The following INTS11 variants were observed in gnomAD, a reference collection of about 807,000 sequenced individuals.
The protein encoded by INTS11 is CPSF3-like protein.
In INTS11, 77 loss-of-function variants were observed where a neutral mutation model predicts 78.6. The observed-to-expected ratio is 0.98, with a 90% CI of 0.81 to 1.18. The LOEUF is 1.18. Among genes scored for constraint, INTS11 ranks in the 50% most tolerant of loss-of-function variants. The pLI is 0.00. For missense variants in INTS11, 875 were observed against 825.9 expected (o/e 1.06, Z -0.73); for synonymous variants, 441 against 326.9 (o/e 1.35, Z -3.77).
At position 1,312,237 on chromosome 1, in the gene INTS11, G is replaced by C. The variant is rs897239384; in HGVS notation, c.1596C>G (p.Ser532Arg). 3 of 1,537,844 alleles carry C rather than the reference G, an allele frequency of 2.0e-6. No homozygotes were observed. The highest frequency in any genetic ancestry group is 2.6e-6 in the Non-Finnish European group (3 of 1,138,426). ...GGCCGGGCGCCCACCTCTTGAGGTG[G>C]CTGTAGACGCGCAATGCCGTCTCCT... is the stretch of plus-strand genomic sequence containing the variant. ...KEQETALRVYSHLKSVLKDHC... is the reference protein window; with the variant it reads ...KEQETALRVYRHLKSVLKDHC... Residue 532 changes from serine to arginine, a missense_variant, in exon 15 of 17, where the codon AGC (serine) becomes AGG (arginine). Ser to Arg is a moderately radical substitution (Grantham distance 110). Coordinates refer to ENST00000435064, the MANE Select transcript of INTS11 (RefSeq NM_017871.6).
At chr1:1,315,299 G>A (rs545093993) in intron 6 of INTS11, 105 bp downstream of exon 6, 2 of 1,383,942 alleles carry the variant, frequency 1.4e-6, no homozygotes, top group Admixed American at 3.5e-5. Flanking sequence ...CAGGACATGG[G>A]AGACACTGCC....
chr1:1,317,406 GA>G (rs558231595), intron 4 of INTS11: 15,376 of 640,534 alleles, frequency 0.024, 1 homozygote, highest in Non-Finnish European at 0.027. Context: ...AAAAAAAAAA[GA>G]AAAAAAAAAA....
intron 1 of INTS11, among the ~76,000 whole-genome samples, chr1:1,322,398 G>C (rs1642998764): frequency 6.7e-6 from 1 of 150,160 alleles, no homozygotes; most frequent in Admixed American, 6.7e-5. Context: ...CAAGGAGACA[G>C]ACGGCAGACA....
At position 1,312,253 on chromosome 1, in the gene INTS11, GCCGTCTC is replaced by G; in HGVS notation, c.1573_1579del (p.Glu525HisfsTer12). 6.5e-7 allele frequency: 1 copy of G among 1,545,292 alleles called. No homozygotes were observed. Among genetic ancestry groups the G allele is most frequent in the Non-Finnish European group, 8.7e-7 (1 of 1,144,204 alleles). On this transcript the variant is annotated frameshift_variant, in exon 15 of 17. Transcript: ENST00000435064. LOFTEE classifies it high-confidence loss of function. The stretch of plus-strand genomic sequence containing the variant: ...CTTGAGGTGGCTGTAGACGCGCAAT[GCCGTCTC>G]CTGCTCCTTGCGTGTGTCATGCAGG...
chr1:1,324,476 G>A (rs1408062851), intron 1 of INTS11, 105 bp downstream of exon 1: 31 of 1,232,204 alleles, frequency 2.5e-5, no homozygotes, highest in Non-Finnish European at 3.0e-5. Context: ...GGACGCCCGC[G>A]GCGCGCACCT....
intron 1 of INTS11, chr1:1,323,269 G>A (rs1283651309): frequency 5.2e-6 from 8 of 1,550,310 alleles, no homozygotes; most frequent in Non-Finnish European, 6.1e-6. Context: ...CAGGTTCCAG[G>A]ACAGCACAGG....
rs751683069 is a variant in INTS11, at chr1:1,319,377, G to A, written c.348C>T (p.Gly116=). 28 of 1,613,222 alleles carry A rather than the reference G, an allele frequency of 1.7e-5. No homozygotes were observed. Among genetic ancestry groups the A allele is most frequent in the African/African-American group, 2.7e-5 (2 of 74,920 alleles). The change falls in exon 4 of 17, where the codon GGC becomes GGT. Residue 116 remains glycine, a synonymous_variant. Transcript: ENST00000435064. ...DYRKIAVDKK[G]EANFFTSQMI... is the part of the protein sequence containing the mutation. Reference sequence around the variant, plus strand: ...TCTGGGAGGTGAAGAAGTTGGCCTCGCCCTTCTTGTCTACGGCGATCTTGC... The same window carrying A: ...TCTGGGAGGTGAAGAAGTTGGCCTCACCCTTCTTGTCTACGGCGATCTTGC...
At chr1:1,311,965 G>A (rs753557621) in intron 16 of INTS11, 41 bp from the exon 17 acceptor site, 5 of 1,596,410 alleles carry the variant, frequency 3.1e-6, no homozygotes. Flanking sequence ...TGCAGGACAG[G>A]GAGGAATGTT....
At position 1,321,782 on chromosome 1, in the gene INTS11, C is replaced by T. The variant is rs947923715; in HGVS notation, c.29-689G>A. 17 of 658,544 alleles carry T rather than the reference C, an allele frequency of 2.6e-5. No individual in the cohort carries two copies. The East Asian group carries it at 5.8e-4, about 23-fold the overall frequency. The allele number at this position is 658,544 out of a possible 1,614,324, so 40.8% of individuals were successfully genotyped here. On this transcript the variant is annotated intron_variant, in intron 1 of 16. Transcript: ENST00000435064. ...GCTCCAGCCAGAGGCCTTGGCCAGC[C>T]AAGGCACACTCAGCCCCCTCATGTG...
chr1:1,322,887 G>A lies in INTS11; in HGVS notation c.28+1694C>T, dbSNP rs1178638880. The A allele has an allele frequency of 2.4e-6, 3 of 1,229,922 alleles. No individual in the cohort carries two copies. The African/African-American group carries it at 4.6e-5, about 19-fold the overall frequency. The allele number at this position is 1,229,922 out of a possible 1,614,324, so 76.2% of individuals were successfully genotyped here. The stretch of plus-strand genomic sequence containing the variant: ...GGTGAAACAGGACTTCGGCTTTGAT[G>A]ATACCTTGGCTGAGGTGACCTTGAG... On this transcript the variant is annotated intron_variant, in intron 1 of 16. Transcript: ENST00000435064.
rs779205497 is a variant in INTS11, at chr1:1,312,463, C to G, written c.1441G>C (p.Gly481Arg). Residue 481 changes from glycine to arginine, a missense_variant, in exon 14 of 17, where the codon GGC (glycine) becomes CGC (arginine). Gly to Arg is a moderately radical substitution (Grantham distance 125). Coordinates refer to ENST00000435064, the MANE Select transcript of INTS11 (RefSeq NM_017871.6). The stretch of plus-strand genomic sequence containing the variant: ...ACGCTGTCCTTCATGATCAGGGTGC[C>G]GTGCAGGAGCCGAGGCTTCTTGGCC... ...PEAKKPRLLH[G>R]TLIMKDSNFR... The G allele has an allele frequency of 6.4e-7, 1 of 1,574,226 alleles. No individual in the cohort carries two copies. Among genetic ancestry groups the G allele is most frequent in the South Asian group, 1.2e-5 (1 of 86,456 alleles).
intron 10 of INTS11, 43 bp downstream of exon 10, chr1:1,313,466 C>T (rs373365375): frequency 8.7e-6 from 14 of 1,600,318 alleles, no homozygotes; most frequent in South Asian, 7.7e-5. Flanking sequence ...GACAACCCGT[C>T]GGCCTCCAGC....
chr1:1,315,371 C>G, intron 6 of INTS11, 33 bp downstream of exon 6: 1 of 1,612,876 alleles, frequency 6.2e-7, no homozygotes, highest in East Asian at 2.2e-5. Flanking sequence ...CCAGGGGGGC[C>G]CACGGGACAA....
At chr1:1,324,179 G>GGGGGCTGGGGGGCTTCTGGGCTGA in intron 1 of INTS11, among the ~76,000 whole-genome samples, 1 of 16,638 alleles carries the variant, frequency 6.0e-5, no homozygotes, top group South Asian at 1.8e-3. Context: ...TGAGGGGCTG[G>GGGGGCTGGGGGGCTTCTGGGCTGA]GAGGCTGAGA....
rs994838669 is a variant in INTS11 at position 1,314,725 on chromosome 1, C to A, written c.702+99G>T. The A allele has an allele frequency of 1.0e-5, 14 of 1,379,134 alleles. No homozygotes were observed. Among genetic ancestry groups the A allele is most frequent in the Middle Eastern group, 4.3e-4 (2 of 4,656 alleles). 85.4% of individuals were successfully genotyped at this position (1,379,134 alleles called of 1,614,324 possible). A position where few individuals can be genotyped will look rare whatever the true frequency, so the allele number is the denominator to read the frequency against. ...CCCTGCCTGAAAATGCAGTACCCCC[C>A]ACCCTGAGACCCTGACCCATGCCAA... On this transcript the variant is annotated intron_variant, in intron 7 of 16. Transcript: ENST00000435064. The surrounding 1 kb of genome is among the most constrained non-coding windows in gnomAD (Gnocchi z 4.2).
At chr1:1,313,432 G>C (rs911460291) in intron 10 of INTS11, 77 bp downstream of exon 10, 20 of 1,523,070 alleles carry the variant, frequency 1.3e-5, no homozygotes, top group African/African-American at 9.6e-5. Context: ...GCCAGTGAGA[G>C]CTCAGAGACA....
chr1:1,324,473 C>T, intron 1 of INTS11, 108 bp downstream of exon 1: 2 of 1,213,414 alleles, frequency 1.6e-6, no homozygotes, highest in Non-Finnish European at 2.3e-6. Flanking sequence ...GGAGGACGCC[C>T]GCGGCGCGCA....
At chr1:1,315,364 G>C in intron 6 of INTS11, 40 bp downstream of exon 6, 1 of 1,611,116 alleles carries the variant, frequency 6.2e-7, no homozygotes, top group Non-Finnish European at 8.5e-7. Context: ...CTGAGCTCCA[G>C]GGGGGCCCAC....
chr1:1,323,586 T>A (rs1643094465), intron 1 of INTS11, among the ~76,000 whole-genome samples: 1 of 150,966 alleles, frequency 6.6e-6, no homozygotes, highest in Non-Finnish European at 1.5e-5. Flanking sequence ...AGCATTTTTT[T>A]TTTTTGGAGT....
Sources: allele counts gnomAD v4.1 joint callset (sites outside exome capture counted in the v4.1 genomes callset), GRCh38; gene constraint gnomAD v4.1.1; non-coding constraint Gnocchi (gnomAD v3.1); transcripts MANE v1.5; gene names NCBI Gene and HGNC (gene_info 2026-07-23, HGNC 2026-07-21).